CEP120: variants seen among roughly 807,000 people sequenced by gnomAD.
CEP120 encodes centrosomal protein 120.
CEP120 carries 113 observed loss-of-function variants against 126.5 expected under a neutral mutation model. That is an observed-to-expected ratio of 0.89 (90% confidence interval 0.77 to 1.04). The LOEUF is 1.04. Among genes scored for constraint, CEP120 ranks in the 50% least tolerant of loss-of-function variants. The pLI is 0.00. For synonymous variants in CEP120, 400 were observed against 394.3 expected (o/e 1.01, Z -0.17); for missense variants, 1,230 against 1,155.7 (o/e 1.06, Z -0.93).
chr5:123,380,841 T>C (rs1162608083), intron 14 of CEP120, among the ~76,000 whole-genome samples: 1 of 152,112 alleles, frequency 6.6e-6, no homozygotes, highest in African/African-American at 2.4e-5. Flanking sequence ...TAAATATTAC[T>C]TAATATGAAA....
chr5:123,386,451 A>C (rs1344884579), intron 10 of CEP120, 67 bp downstream of exon 10: 6 of 1,159,538 alleles, frequency 5.2e-6, no homozygotes, highest in Non-Finnish European at 6.8e-6. Flanking sequence ...ATTCCTTTTT[A>C]ATAAAATACA....
At position 123,377,369 on chromosome 5, in the gene CEP120, C is replaced by T. The variant is rs746379935; in HGVS notation, c.2358+5G>A. 7 of 1,605,214 alleles carry T rather than the reference C, an allele frequency of 4.4e-6. 1 individual carries two copies. In the South Asian group the frequency reaches 7.9e-5, roughly 18 times the overall value. ...CATAAAAAGATGACAAGTACGTTAT[C>T]CAACCTGTTGCTGAAGGCGGTGTTT... On this transcript the variant is annotated splice_donor_5th_base_variant and intron_variant, in intron 16 of 19. Transcript: ENST00000306467.
chr5:123,415,698 A>C (rs1774336794), intron 3 of CEP120, among the ~76,000 whole-genome samples: 1 of 152,042 alleles, frequency 6.6e-6, no homozygotes, highest in African/African-American at 2.4e-5. Flanking sequence ...ACATAGCAAA[A>C]CCCCATCACT....
At chr5:123,399,860 T>C (rs1302312979) in intron 4 of CEP120, among the ~76,000 whole-genome samples, 1 of 152,154 alleles carries the variant, frequency 6.6e-6, no homozygotes, top group Non-Finnish European at 1.5e-5. Flanking sequence ...GAGAAAATCA[T>C]GAAACTAGTT....
At chr5:123,362,646 G>A (rs1382376529) in intron 18 of CEP120, among the ~76,000 whole-genome samples, 2 of 151,708 alleles carry the variant, frequency 1.3e-5, no homozygotes, top group African/African-American at 2.4e-5. Flanking sequence ...TTCCAGACAT[G>A]CTAATTGCTC....
chr5:123,401,211 A>C, intron 4 of CEP120: 1 of 1,612,872 alleles, frequency 6.2e-7, no homozygotes, highest in Non-Finnish European at 8.5e-7. Flanking sequence ...CCTGACGTTC[A>C]TCAGCTCCTG....
At position 123,388,534 on chromosome 5, in the gene CEP120, T is replaced by G; in HGVS notation, c.1328A>C (p.Gln443Pro). 2 of 1,611,792 alleles carry G rather than the reference T, an allele frequency of 1.2e-6. No individual in the cohort carries two copies. Among genetic ancestry groups the G allele is most frequent in the Non-Finnish European group, 1.7e-6 (2 of 1,179,236 alleles). The change falls in exon 9 of 20, where the codon CAG (glutamine) becomes CCG (proline). Residue 443 changes from glutamine to proline, a missense_variant. Coordinates refer to ENST00000306467, the MANE Select transcript of CEP120 (RefSeq NM_001375405.1). ...TSNASEVASG[Q>P]KIAVPATSHH... ...TGATGTTGCTGGTACAGCAATCTTC[T>G]GTCCTGAAGCTACTTCTGAAGCATT...
chr5:123,359,865 A>G (rs943040652), intron 18 of CEP120, among the ~76,000 whole-genome samples: 1 of 152,002 alleles, frequency 6.6e-6, no homozygotes, highest in Non-Finnish European at 1.5e-5. Flanking sequence ...AGTAATGGAA[A>G]TCTCTGTTTA....
intron 18 of CEP120, among the ~76,000 whole-genome samples, chr5:123,364,054 A>T (rs1441656743): frequency 6.6e-6 from 1 of 151,538 alleles, no homozygotes; most frequent in Non-Finnish European, 1.5e-5. Context: ...ACACTTTAAA[A>T]ATCATGCAAA....
intron 16 of CEP120, among the ~76,000 whole-genome samples, chr5:123,375,581 C>T (rs982688313): frequency 1.8e-4 from 22 of 124,884 alleles, no homozygotes; most frequent in African/African-American, 5.8e-4. Context: ...CCTCAGCCTC[C>T]GAAAGTGTTG....
chr5:123,418,584 T>G (rs1332248630), intron 1 of CEP120, 69 bp from the exon 2 acceptor site: 2 of 1,363,700 alleles, frequency 1.5e-6, no homozygotes, highest in Admixed American at 5.1e-5. Flanking sequence ...TACCATGTGT[T>G]TTTTTGTTTG....
chr5:123,347,576 G>A (rs1768917228), intron 19 of CEP120, among the ~76,000 whole-genome samples: 1 of 152,236 alleles, frequency 6.6e-6, no homozygotes, highest in South Asian at 2.1e-4. Context: ...GCTGACCTGC[G>A]ATTTGGGTAT....
At chr5:123,422,822 GA>G in intron 1 of CEP120, 127 bp downstream of exon 1, 1 of 910,544 alleles carries the variant, frequency 1.1e-6, no homozygotes, top group Non-Finnish European at 1.8e-6. Context: ...GTACAACTTT[GA>G]ACAAGTCTGT....
At position 123,393,486 on chromosome 5, in the gene CEP120, A is replaced by T; in HGVS notation, c.624T>A (p.Cys208Ter). 2 of 1,613,378 alleles carry T rather than the reference A, an allele frequency of 1.2e-6. No individual in the cohort carries two copies. The highest frequency in any genetic ancestry group is 1.7e-6 in the Non-Finnish European group (2 of 1,179,374). The change falls in exon 6 of 20, where the codon TGT (cysteine) becomes TGA (stop). Residue 208 changes from cysteine (C) to a stop codon, truncating the protein, a stop_gained. Transcript: ENST00000306467. LOFTEE classifies it high-confidence loss of function. ...FATQLEQLIP[C>*]TMKLPERQPE... The stretch of plus-strand genomic sequence containing the variant: ...GCTGTCTTTCTGGAAGTTTCATGGT[A>T]CATGGAATTAACTAAACATTTCAGG...
Position 123,386,629 on chromosome 5 carries a change from A to G in CEP120, c.1469T>C (p.Met490Thr), listed in dbSNP as rs780030706. The change falls in exon 10 of 20, where the codon ATG becomes ACG. Residue 490 changes from methionine to threonine, a missense_variant. Physicochemically the swap from Met to Thr is moderately conservative, Grantham distance 81. Coordinates refer to ENST00000306467, the MANE Select transcript of CEP120 (RefSeq NM_001375405.1). Reference protein sequence around the residue: ...YPFFGSAAPIMTNPPVEVRKN... With the variant: ...YPFFGSAAPITTNPPVEVRKN... The stretch of plus-strand genomic sequence containing the variant: ...CCGAACTTCTACAGGAGGATTAGTC[A>G]TAATAGGAGCTGCACTTCCAAAGAA... 4 of 1,584,920 alleles carry G rather than the reference A, an allele frequency of 2.5e-6. No homozygotes were observed. In the African/African-American group the frequency reaches 4.1e-5, roughly 16 times the overall value.
At chr5:123,416,427 T>C (rs760367979) in intron 2 of CEP120, among the ~76,000 whole-genome samples, 1 of 151,234 alleles carries the variant, frequency 6.6e-6, no homozygotes, top group Non-Finnish European at 1.5e-5. Flanking sequence ...AAAAAATAGC[T>C]GGGTGTGGTG....
rs1402237561 is a variant in CEP120 at position 123,423,310 on chromosome 5, A to T, written c.-312T>A. The T allele has an allele frequency of 1.2e-5, 4 of 331,424 alleles. No individual in the cohort carries two copies. In the Admixed American group the frequency reaches 1.9e-4, roughly 16 times the overall value. The allele number at this position is 331,424 out of a possible 1,614,324, so 20.5% of individuals were successfully genotyped here. A position where few individuals can be genotyped will look rare whatever the true frequency, so the allele number is the denominator to read the frequency against. Reference sequence around the variant, plus strand: ...TGCCGCCTGCGTAGCCGCTTTTCAAACGCCCGGGCGGCCGCAGCGGCCGCC... The same window carrying T: ...TGCCGCCTGCGTAGCCGCTTTTCAATCGCCCGGGCGGCCGCAGCGGCCGCC... On this transcript the variant is annotated 5_prime_UTR_variant, in exon 1 of 20. Coordinates refer to ENST00000306467, the MANE Select transcript of CEP120 (RefSeq NM_001375405.1).
At chr5:123,411,403 AC>A (rs1774051436) in intron 4 of CEP120, among the ~76,000 whole-genome samples, 3 of 152,208 alleles carry the variant, frequency 2.0e-5, no homozygotes, top group African/African-American at 7.2e-5. Flanking sequence ...AGTTTACAGT[AC>A]CTTTATTTAT....
intron 18 of CEP120, among the ~76,000 whole-genome samples, chr5:123,354,882 C>G (rs1488849981): frequency 6.6e-6 from 1 of 151,742 alleles, no homozygotes; most frequent in East Asian, 1.9e-4. Context: ...TGTGCTGCAC[C>G]CATTAACTCG....
Sources: allele counts gnomAD v4.1 joint callset (sites outside exome capture counted in the v4.1 genomes callset), GRCh38; gene constraint gnomAD v4.1.1; transcripts MANE v1.5; gene names NCBI Gene and HGNC (gene_info 2026-07-23, HGNC 2026-07-21).